Variants in KCNT2 observed in about 807,000 individuals in gnomAD.
KCNT2 encodes potassium channel subfamily T member 2.
KCNT2 carries 67 observed loss-of-function variants against 153.8 expected under a neutral mutation model. The observed-to-expected ratio is 0.44, with a 90% CI of 0.36 to 0.53. The LOEUF (loss-of-function observed/expected upper bound fraction) is 0.53. Ranked by LOEUF, KCNT2 falls within the 20% of genes least tolerant of loss-of-function variation. The pLI is 0.00. For missense variants in KCNT2, 975 were observed against 1,354.8 expected (o/e 0.72, Z 4.40); for synonymous variants, 500 against 458.8 (o/e 1.09, Z -1.15).
intron 1 of KCNT2, among the ~76,000 whole-genome samples, chr1:196,573,631 T>A (rs1055218865): frequency 9.9e-5 from 15 of 150,776 alleles, no homozygotes; most frequent in Non-Finnish European, 2.2e-4. Context: ...AAATAAAATA[T>A]GAAAGAAGAG....
At chr1:196,378,539 A>T (rs1669166074) in intron 13 of KCNT2, among the ~76,000 whole-genome samples, 1 of 151,826 alleles carries the variant, frequency 6.6e-6, no homozygotes, top group South Asian at 2.1e-4. Flanking sequence ...CATTTATAGT[A>T]GCCAGTAAAT....
intron 5 of KCNT2, among the ~76,000 whole-genome samples, chr1:196,469,951 C>A (rs1198790871): frequency 6.6e-6 from 1 of 152,158 alleles, no homozygotes; most frequent in Admixed American, 6.6e-5. Flanking sequence ...AATTGGGACT[C>A]TTTCTTAATT....
At chr1:196,396,407 G>C (rs989625914) in intron 13 of KCNT2, among the ~76,000 whole-genome samples, 2 of 151,506 alleles carry the variant, frequency 1.3e-5, no homozygotes, top group African/African-American at 2.4e-5. Flanking sequence ...ACGGCAACAG[G>C]GCACAGATAT....
At chr1:196,296,523 G>C (rs1381023591) in intron 22 of KCNT2, among the ~76,000 whole-genome samples, 1 of 151,946 alleles carries the variant, frequency 6.6e-6, no homozygotes. Flanking sequence ...AGAAATTTAT[G>C]CACTGAAAAT....
chr1:196,474,604 G>T (rs958569952), intron 5 of KCNT2, among the ~76,000 whole-genome samples: 1 of 152,140 alleles, frequency 6.6e-6, no homozygotes, highest in African/African-American at 2.4e-5. Flanking sequence ...TGGAAAAAAA[G>T]AATTGCACAT....
intron 1 of KCNT2, among the ~76,000 whole-genome samples, chr1:196,498,721 C>G (rs935932179): frequency 2.0e-5 from 3 of 152,152 alleles, no homozygotes; most frequent in Admixed American, 1.3e-4. Context: ...CCTGCTAATT[C>G]CGTGTTTGGT....
chr1:196,333,911 C>T lies in KCNT2; in HGVS notation c.1933G>A (p.Asp645Asn). 2 of 1,612,868 alleles carry T rather than the reference C, an allele frequency of 1.2e-6. No individual in the cohort carries two copies. The highest frequency in any genetic ancestry group is 1.7e-6 in the Non-Finnish European group (2 of 1,179,268). ...TCTTCTGATTGGTCACTTAGAAGAT[C>T]ACATGTTTGAATCGATGATGTATCT... ...VADTSSIQTCDLLSDQSEDET... is the reference protein window; with the variant it reads ...VADTSSIQTCNLLSDQSEDET... Residue 645 changes from aspartate (D) to asparagine (N), a missense_variant, in exon 17 of 28, where the codon GAT becomes AAT. Coordinates refer to ENST00000294725, the MANE Select transcript of KCNT2 (RefSeq NM_198503.5).
chr1:196,562,706 CTCT>C (rs1659577151), intron 1 of KCNT2, among the ~76,000 whole-genome samples: 1 of 150,248 alleles, frequency 6.7e-6, no homozygotes, highest in African/African-American at 2.4e-5. Context: ...TTTCTTTCTT[CTCT>C]TTTTTTTTTT....
At chr1:196,269,065 C>A (rs1657819016) in intron 25 of KCNT2, among the ~76,000 whole-genome samples, 1 of 152,078 alleles carries the variant, frequency 6.6e-6, no homozygotes, top group Admixed American at 6.6e-5. Flanking sequence ...GGCGTACAAT[C>A]ATAAACAATT....
chr1:196,373,368 G>A, intron 13 of KCNT2, 120 bp from the exon 14 acceptor site: 1 of 601,134 alleles, frequency 1.7e-6, no homozygotes, highest in Non-Finnish European at 3.0e-6. Context: ...TTGTTTTAGA[G>A]ATGTTTTTAC....
At chr1:196,595,025 G>A (rs928530280) in intron 1 of KCNT2, among the ~76,000 whole-genome samples, 20 of 152,074 alleles carry the variant, frequency 1.3e-4, no homozygotes, top group African/African-American at 4.8e-4. Context: ...TAGGTTGACT[G>A]AGGCTCGAGT....
intron 3 of KCNT2, among the ~76,000 whole-genome samples, chr1:196,483,554 T>G (rs1324257407): frequency 6.6e-6 from 1 of 152,194 alleles, no homozygotes; most frequent in Non-Finnish European, 1.5e-5. Context: ...CTTAGACTTA[T>G]TCAAGTGGAC....
rs535329362 is a variant in KCNT2, at chr1:196,540,419, A to G, written c.96-48078T>C. Among the ~76,000 whole-genome samples, 18 of 152,322 alleles carry G rather than the reference A, an allele frequency of 1.2e-4. 1 individual carries two copies. The East Asian group carries it at 3.3e-3, about 28-fold the overall frequency. ...TCAAACTTTATTTGCCAATGTTCCAATCCAATTCTCCTCAAAAGGAAGCTA... is the reference window on the plus strand; with the variant it reads ...TCAAACTTTATTTGCCAATGTTCCAGTCCAATTCTCCTCAAAAGGAAGCTA... On this transcript the variant is annotated intron_variant, in intron 1 of 27. Coordinates refer to ENST00000294725, the MANE Select transcript of KCNT2 (RefSeq NM_198503.5).
At chr1:196,538,741 A>G (rs2148866933) in intron 1 of KCNT2, among the ~76,000 whole-genome samples, 1 of 152,288 alleles carries the variant, frequency 6.6e-6, no homozygotes, top group East Asian at 1.9e-4. Context: ...TGACTAAAGC[A>G]TAGCCACCTC....
intron 25 of KCNT2, among the ~76,000 whole-genome samples, chr1:196,277,165 T>C (rs111937494): frequency 0.049 from 7,406 of 152,246 alleles, 279 homozygotes; most frequent in Non-Finnish European, 0.071. Flanking sequence ...TGCTCTAGTT[T>C]ATCAATAACT....
intron 8 of KCNT2, among the ~76,000 whole-genome samples, chr1:196,450,285 T>G (rs559300733): frequency 2.0e-5 from 3 of 151,946 alleles, no homozygotes; most frequent in South Asian, 2.1e-4. Flanking sequence ...AGATTCCACT[T>G]TGTCATTGCC....
rs752042947 is a variant in KCNT2 at position 196,465,281 on chromosome 1, G to A, written c.638+12C>T. ...TGAAACATAACACAAATTCTGATAT[G>A]TACAATCTTACCAGGTGAAGATAAG... On this transcript the variant is annotated intron_variant, in intron 8 of 27. Transcript: ENST00000294725. 1 of 1,367,772 alleles carries A rather than the reference G, an allele frequency of 7.3e-7. No individual in the cohort carries two copies. Among genetic ancestry groups the A allele is most frequent in the African/African-American group, 1.4e-5 (1 of 69,650 alleles). 84.7% of individuals were successfully genotyped at this position (1,367,772 alleles called of 1,614,324 possible).
At chr1:196,563,340 A>G (rs1032646749) in intron 1 of KCNT2, among the ~76,000 whole-genome samples, 11 of 151,648 alleles carry the variant, frequency 7.3e-5, no homozygotes, top group Admixed American at 5.3e-4. Flanking sequence ...TTGGGGAGTG[A>G]CTGTGTTATT....
chr1:196,268,647 G>A (rs1657767108), intron 25 of KCNT2, among the ~76,000 whole-genome samples: 1 of 152,042 alleles, frequency 6.6e-6, no homozygotes, highest in African/African-American at 2.4e-5. Context: ...TGAGCTAGTT[G>A]ATAAGAAAGC....
Sources: allele counts gnomAD v4.1 joint callset (sites outside exome capture counted in the v4.1 genomes callset), GRCh38; gene constraint gnomAD v4.1.1; transcripts MANE v1.5; gene names NCBI Gene and HGNC (gene_info 2026-07-23, HGNC 2026-07-21).